Variants in TOX4 observed in about 807,000 individuals in gnomAD.
TOX4 encodes epidermal Langerhans cell protein LCP1.
Under a neutral mutation model 61.0 loss-of-function variants are expected in TOX4, and 12 were observed. That is an observed-to-expected ratio of 0.20 (90% confidence interval 0.13 to 0.32). TOX4 has a LOEUF of 0.32. Among genes scored for constraint, TOX4 ranks in the 10% least tolerant of loss-of-function variants. The pLI, the probability that TOX4 is intolerant of heterozygous loss-of-function variation, is 1.00. For missense variants in TOX4, 499 were observed against 753.3 expected, an observed-to-expected ratio of 0.66 and a Z score of 3.95; for synonymous variants, 268 against 274.8, an observed-to-expected ratio of 0.98 and a Z score of 0.24.
chr14:21,493,434 CTGTT>C (rs374739178), intron 7 of TOX4, among the ~76,000 whole-genome samples, 177 bp downstream of exon 7: 8 of 151,934 alleles, frequency 5.3e-5, no homozygotes, highest in African/African-American at 1.9e-4. Context: ...GGTACTCATA[CTGTT>C]TTTTTTTTGT....
Position 21,496,826 on chromosome 14 carries a change from G to A in TOX4, c.*220G>A, listed in dbSNP as rs139895192. ...TGCTTTTTACTTTCAACCATAAGCGGTAATAGCAGAGGAAAGGGTGAAGGG... is the reference window on the plus strand; with the variant it reads ...TGCTTTTTACTTTCAACCATAAGCGATAATAGCAGAGGAAAGGGTGAAGGG... On this transcript the variant is annotated 3_prime_UTR_variant, in exon 9 of 9. Coordinates refer to ENST00000448790, the MANE Select transcript of TOX4 (RefSeq NM_014828.4). 23 of 510,588 alleles carry A rather than the reference G, an allele frequency of 4.5e-5. No individual in the cohort carries two copies. Among genetic ancestry groups the A allele is most frequent in the Non-Finnish European group, 8.1e-5 (23 of 283,126 alleles). The allele number at this position is 510,588 out of a possible 1,614,324, so 31.6% of individuals were successfully genotyped here.
At position 21,498,471 on chromosome 14, in the gene TOX4, CA is replaced by C. The variant is rs1272999509; in HGVS notation, c.*1868del. On this transcript the variant is annotated 3_prime_UTR_variant, in exon 9 of 9. Coordinates refer to ENST00000448790, the MANE Select transcript of TOX4 (RefSeq NM_014828.4). ...AAATGAAGACTGCCTATCATCATAT[CA>C]AATATGCCAATTCTAAAAAGAGCTT... is the stretch of plus-strand genomic sequence containing the variant. 62 of 1,035,404 alleles carry C rather than the reference CA, an allele frequency of 6.0e-5. No homozygotes were observed. In the East Asian group the frequency reaches 1.5e-3, roughly 25 times the overall value. The allele number at this position is 1,035,404 out of a possible 1,614,324, so 64.1% of individuals were successfully genotyped here. A position where few individuals can be genotyped will look rare whatever the true frequency, so the allele number is the denominator to read the frequency against.
intron 2 of TOX4, among the ~76,000 whole-genome samples, chr14:21,481,901 T>C (rs1332929724): frequency 6.6e-6 from 1 of 152,204 alleles, no homozygotes; most frequent in Non-Finnish European, 1.5e-5. Flanking sequence ...GTGATACCAG[T>C]TGTGAAGGGA....
rs1325027895 is a variant in TOX4 at position 21,499,021 on chromosome 14, T to A, written c.*2415T>A. On this transcript the variant is annotated 3_prime_UTR_variant, in exon 9 of 9. Transcript: ENST00000448790. ...AGGACTAGCCTGTTCTCTGGTCACCTTACCAGTTGGGTTGCACATTGTGTG... is the reference window on the plus strand; with the variant it reads ...AGGACTAGCCTGTTCTCTGGTCACCATACCAGTTGGGTTGCACATTGTGTG... 6.2e-7 allele frequency: 1 copy of A among 1,607,674 alleles called. No homozygotes were observed. The highest frequency in any genetic ancestry group is 8.5e-7 in the Non-Finnish European group (1 of 1,174,178).
In TOX4 at chr14:21,492,569, C is replaced by T. The variant is rs771353320; in HGVS notation, c.953C>T (p.Pro318Leu). 1.9e-6 allele frequency: 3 copies of T among 1,613,934 alleles called. No homozygotes were observed. Among genetic ancestry groups the T allele is most frequent in the Non-Finnish European group, 1.7e-6 (2 of 1,179,976 alleles). ...CCATCACAAACTCCTTCTCCACCTC[C>T]TATGGCTACTGTTGACCCAGCATCT... Reference protein sequence around the residue: ...APPSQTPSPPPMATVDPASPA... With the variant: ...APPSQTPSPPLMATVDPASPA... Residue 318 changes from proline to leucine, a missense_variant, in exon 7 of 9, where the codon CCT becomes CTT. Physicochemically the swap from Pro to Leu is moderately conservative, Grantham distance 98. Coordinates refer to ENST00000448790, the MANE Select transcript of TOX4 (RefSeq NM_014828.4).
In TOX4 at chr14:21,494,731, CAG is replaced by C. The variant is rs1289462217; in HGVS notation, c.1642-490_1642-489del. 2.3e-5 allele frequency among the ~76,000 whole-genome samples: 3 copies of C among 129,304 alleles called. No homozygotes were observed. In the Admixed American group the frequency reaches 2.7e-4, roughly 12 times the overall value. The allele number at this position is 129,304 out of a possible 152,430, so 84.8% of individuals were successfully genotyped here. A position where few individuals can be genotyped will look rare whatever the true frequency, so the allele number is the denominator to read the frequency against. ...CACCACTGCACTCTAGCCTGGGAGA[CAG>C]AGAGAGACTCCGTCTCAAAAAAAAA... On this transcript the variant is annotated intron_variant, in intron 7 of 8. Transcript: ENST00000448790.
intron 8 of TOX4, chr14:21,495,630 G>T: frequency 2.9e-6 from 1 of 345,878 alleles, no homozygotes; most frequent in Non-Finnish European, 5.3e-6. Flanking sequence ...TCTTATGTAT[G>T]CTCTTTAAAA....
At chr14:21,489,530 C>A in intron 5 of TOX4, 127 bp downstream of exon 5, 1 of 834,008 alleles carries the variant, frequency 1.2e-6, no homozygotes, top group Non-Finnish European at 1.8e-6. Flanking sequence ...ACTTAAATAT[C>A]ATCCCTTGTC....
Position 21,492,515 on chromosome 14 carries a change from T to C in TOX4, c.899T>C (p.Val300Ala). ...YKDNQECQATVETVELDPAPP... is the reference protein window; with the variant it reads ...YKDNQECQATAETVELDPAPP... The stretch of plus-strand genomic sequence containing the variant: ...ATTTATGTCTTCTTTTAGGCCACTG[T>C]GGAAACAGTGGAATTGGATCCAGCA... Residue 300 changes from valine (V) to alanine (A), a missense_variant, in exon 7 of 9, where the codon GTG becomes GCG. Physicochemically the swap from Val to Ala is moderately conservative, Grantham distance 64 (BLOSUM62 0). This residue lies in a region of TOX4 where 296 missense variants were observed against 404.7 expected (regional missense o/e 0.73). Transcript: ENST00000448790. 6.2e-7 allele frequency: 1 copy of C among 1,613,644 alleles called. No individual in the cohort carries two copies. Among genetic ancestry groups the C allele is most frequent in the Non-Finnish European group, 8.5e-7 (1 of 1,179,702 alleles).
At chr14:21,484,047 G>A (rs1891154734) in intron 2 of TOX4, among the ~76,000 whole-genome samples, 1 of 152,004 alleles carries the variant, frequency 6.6e-6, no homozygotes. Flanking sequence ...CTTTTCAAGT[G>A]ATCCACCCAC....
Position 21,477,531 on chromosome 14 carries a change from A to G in TOX4, c.42A>G (p.Thr14=), listed in dbSNP as rs1190810097. Residue 14 remains threonine, a synonymous_variant, in exon 2 of 9, where the codon ACA becomes ACG. Coordinates refer to ENST00000448790, the MANE Select transcript of TOX4 (RefSeq NM_014828.4). The part of the protein sequence containing the change: ...PGGNDNYLTI[T]GPSHPFLSGA... ...GAAATGACAATTACCTGACGATCAC[A>G]GGGCCTTCGCACCCCTTCCTGTCAG... The G allele has an allele frequency of 1.9e-6, 3 of 1,613,756 alleles. No homozygotes were observed. In the Admixed American group the frequency reaches 5.0e-5, roughly 27 times the overall value.
At chr14:21,489,029 T>C (rs1380282896) in intron 4 of TOX4, 144 bp from the exon 5 acceptor site, 10 of 1,211,050 alleles carry the variant, frequency 8.3e-6, no homozygotes, top group Non-Finnish European at 1.1e-5. Flanking sequence ...CCTATTCTTA[T>C]TGGTTCTCCA....
intron 2 of TOX4, among the ~76,000 whole-genome samples, chr14:21,480,190 A>C (rs576429191): frequency 6.6e-6 from 1 of 152,314 alleles, no homozygotes; most frequent in African/African-American, 2.4e-5. Context: ...GTGTATAGTG[A>C]AGAAAAGTAA....
chr14:21,492,072 C>T (rs997293158), intron 5 of TOX4: 1 of 424,954 alleles, frequency 2.4e-6, no homozygotes, highest in Non-Finnish European at 4.3e-6. Context: ...GCTATTCTTG[C>T]CAGACTCCTG....
At position 21,488,706 on chromosome 14, in the gene TOX4, T is replaced by C; in HGVS notation, c.435T>C (p.Asp145=). The C allele has an allele frequency of 6.2e-7, 1 of 1,614,194 alleles. No individual in the cohort carries two copies. Among genetic ancestry groups the C allele is most frequent in the Admixed American group, 1.7e-5 (1 of 60,022 alleles). Residue 145 remains aspartate (D), a synonymous_variant, in exon 4 of 9, where the codon GAT becomes GAC. Transcript: ENST00000448790. ...GGCATAGCCAGTTGACCACCATTGA[T>C]CAGTCAGAACTGAGTTCCCAGCTGG... ...LMGHSQLTTI[D]QSELSSQLGL...
chr14:21,496,992 A>G lies in TOX4; in HGVS notation c.*386A>G, dbSNP rs1306518673. On this transcript the variant is annotated 3_prime_UTR_variant, in exon 9 of 9. Coordinates refer to ENST00000448790, the MANE Select transcript of TOX4 (RefSeq NM_014828.4). ...AGCTTTGAGCCTAGGAGAAAATGCCACTGTGTGCATCCATTTTAAAGGGTT... is the reference window on the plus strand; with the variant it reads ...AGCTTTGAGCCTAGGAGAAAATGCCGCTGTGTGCATCCATTTTAAAGGGTT... 1.6e-5 allele frequency: 3 copies of G among 187,096 alleles called. No homozygotes were observed. Among genetic ancestry groups the G allele is most frequent in the African/African-American group, 4.7e-5 (2 of 42,348 alleles). The allele number at this position is 187,096 out of a possible 1,614,324, so 11.6% of individuals were successfully genotyped here.
chr14:21,492,209 C>A, intron 5 of TOX4, 87 bp from the exon 6 acceptor site: 2 of 1,223,312 alleles, frequency 1.6e-6, no homozygotes, highest in Non-Finnish European at 2.3e-6. Flanking sequence ...GATGAATTGT[C>A]ATTCATTGAT....
chr14:21,495,129 A>G, intron 7 of TOX4, 100 bp from the exon 8 acceptor site: 2 of 1,374,422 alleles, frequency 1.5e-6, no homozygotes, highest in Non-Finnish European at 2.0e-6. Context: ...GAGGAATTCT[A>G]ATACCTGTTG....
chr14:21,491,732 C>T (rs1375750918), intron 5 of TOX4, among the ~76,000 whole-genome samples: 1 of 151,072 alleles, frequency 6.6e-6, no homozygotes, highest in Non-Finnish European at 1.5e-5. Context: ...CTATTCTCGG[C>T]CAGGCGTGGT....
Sources: gnomAD v4.1 joint callset for allele counts (sites outside exome capture counted in the v4.1 genomes callset) on GRCh38, gnomAD v4.1.1 for gene constraint, gnomAD v4.1.1 regional missense constraint, MANE v1.5 for transcripts, NCBI Gene and HGNC (gene_info 2026-07-23, HGNC 2026-07-21) for gene names.